Variants in ST6GALNAC3 observed in about 807,000 individuals in gnomAD.
ST6GALNAC3 encodes alpha-N-acetylgalactosaminide alpha-2,6-sialyltransferase 3.
In ST6GALNAC3, 25 loss-of-function variants were observed where a neutral mutation model predicts 32.7. The ratio of observed to expected loss-of-function variants is 0.76; its 90% confidence interval spans 0.56 to 1.07. ST6GALNAC3 has a LOEUF of 1.07. ST6GALNAC3 is among the 50% of genes least tolerant of loss of function. The pLI, the probability that ST6GALNAC3 is intolerant of heterozygous loss-of-function variation, is 0.00. For synonymous variants in ST6GALNAC3, 129 were observed against 133.1 expected (o/e 0.97, Z 0.21); for missense variants, 355 against 382.4 (o/e 0.93, Z 0.60).
chr1:76,543,301 T>G (rs1464775506), intron 3 of ST6GALNAC3, among the ~76,000 whole-genome samples: 3 of 152,150 alleles, frequency 2.0e-5, no homozygotes, highest in Admixed American at 6.6e-5. Context: ...TCTCAATAAA[T>G]TGTTCAATAT....
chr1:76,195,556 C>T (rs1298253607), intron 1 of ST6GALNAC3, among the ~76,000 whole-genome samples: 1 of 152,232 alleles, frequency 6.6e-6, no homozygotes, highest in Non-Finnish European at 1.5e-5. Context: ...GTGAAGAACA[C>T]ATGGCTACTA....
At chr1:76,484,458 C>T (rs1377801414) in intron 3 of ST6GALNAC3, among the ~76,000 whole-genome samples, 1 of 152,146 alleles carries the variant, frequency 6.6e-6, no homozygotes. Flanking sequence ...AGTTGGATTT[C>T]TAGGTATTTT....
At chr1:76,386,041 A>G (rs941986958) in intron 2 of ST6GALNAC3, among the ~76,000 whole-genome samples, 4 of 151,984 alleles carry the variant, frequency 2.6e-5, no homozygotes, top group African/African-American at 9.7e-5. Flanking sequence ...TAGGATCTTT[A>G]TTCATGTTCT....
Position 76,631,143 on chromosome 1 carries a change from A to G in ST6GALNAC3, c.*2337A>G, listed in dbSNP as rs1014682434. ...CTATAGCAGAAGGTGTGTGTGGAAT[A>G]TGTAGACTCCAGTGTTTTCTTAGGA... On this transcript the variant is annotated 3_prime_UTR_variant, in exon 5 of 5. Coordinates refer to ENST00000328299, the MANE Select transcript of ST6GALNAC3 (RefSeq NM_152996.4). The G allele has an allele frequency of 1.9e-6, 1 of 530,272 alleles. No individual in the cohort carries two copies. The highest frequency in any genetic ancestry group is 1.5e-4 in the East Asian group (1 of 6,694). 32.8% of individuals were successfully genotyped at this position (530,272 alleles called of 1,614,324 possible).
rs4034974 is a variant in ST6GALNAC3 at position 76,143,392 on chromosome 1, CGTGTGT to C, written c.18+68535_18+68540del. On this transcript the variant is annotated intron_variant, in intron 1 of 4. Coordinates refer to ENST00000328299, the MANE Select transcript of ST6GALNAC3 (RefSeq NM_152996.4). ...ACCCACTTTGGACTTCTTACCAAGT[CGTGTGT>C]GTGTGTGTGTGTGTGTGTGTGTGTG... Among the ~76,000 whole-genome samples, 1,293 of 142,440 alleles carry C rather than the reference CGTGTGT, an allele frequency of 9.1e-3. 17 individuals carry two copies. The highest frequency in any genetic ancestry group is 0.036 in the Middle Eastern group (10 of 280). 93.4% of individuals were successfully genotyped at this position (142,440 alleles called of 152,430 possible).
intron 3 of ST6GALNAC3, among the ~76,000 whole-genome samples, chr1:76,450,951 G>C (rs1657350437): frequency 6.6e-6 from 1 of 151,848 alleles, no homozygotes; most frequent in Non-Finnish European, 1.5e-5. Context: ...GGTGACTATG[G>C]CCTTATAGTA....
Position 76,496,719 on chromosome 1 carries a change from G to T in ST6GALNAC3, c.623+84302G>T, listed in dbSNP as rs1425254945. ...GGTATAATTAAATTGTGTCCCAGCA[G>T]TGAAGGTTCCTTAATGATAATGAGC... On this transcript the variant is annotated intron_variant, in intron 3 of 4. Coordinates refer to ENST00000328299, the MANE Select transcript of ST6GALNAC3 (RefSeq NM_152996.4). Among the ~76,000 whole-genome samples the T allele has an allele frequency of 2.6e-5, 4 of 152,172 alleles. 1 individual carries two copies. Among genetic ancestry groups the T allele is most frequent in the Admixed American group, 2.6e-4 (4 of 15,258 alleles).
chr1:76,357,383 G>A (rs754495265), intron 2 of ST6GALNAC3, among the ~76,000 whole-genome samples: 2 of 151,922 alleles, frequency 1.3e-5, no homozygotes, highest in Admixed American at 1.3e-4. Context: ...TGATCAACCC[G>A]CCTTGGCCTC....
chr1:76,099,824 T>G (rs1270875383), intron 1 of ST6GALNAC3, among the ~76,000 whole-genome samples: 1 of 152,168 alleles, frequency 6.6e-6, no homozygotes, highest in East Asian at 1.9e-4. Context: ...AAGACTCCAT[T>G]AACTCCATAG....
At chr1:76,335,205 G>T (rs1325706637) in intron 2 of ST6GALNAC3, among the ~76,000 whole-genome samples, 1 of 152,096 alleles carries the variant, frequency 6.6e-6, no homozygotes, top group Admixed American at 6.5e-5. Context: ...CACAAATAGG[G>T]CAGGCTTGCT....
chr1:76,570,749 A>C (rs1426303926), intron 3 of ST6GALNAC3, among the ~76,000 whole-genome samples: 1 of 152,042 alleles, frequency 6.6e-6, no homozygotes, highest in Non-Finnish European at 1.5e-5. Flanking sequence ...CGTGGGGGAC[A>C]CCACTCTGGT....
chr1:76,628,556 T>A, intron 4 of ST6GALNAC3, 64 bp from the exon 5 acceptor site: 2 of 1,431,550 alleles, frequency 1.4e-6, no homozygotes, highest in Non-Finnish European at 1.9e-6. Context: ...AATGGATTCT[T>A]GTAAATGAGT....
chr1:76,130,959 T>A (rs562120515), intron 1 of ST6GALNAC3, among the ~76,000 whole-genome samples: 1 of 152,336 alleles, frequency 6.6e-6, no homozygotes, highest in Admixed American at 6.5e-5. Flanking sequence ...GTTGAATAGT[T>A]TTCACTGCTC....
intron 3 of ST6GALNAC3, among the ~76,000 whole-genome samples, chr1:76,597,506 C>T (rs1647156452): frequency 6.6e-6 from 1 of 152,050 alleles, no homozygotes; most frequent in Non-Finnish European, 1.5e-5. Context: ...CAAACCCTGT[C>T]CAGAATTTTG....
At chr1:76,594,870 T>C (rs1647108471) in intron 3 of ST6GALNAC3, among the ~76,000 whole-genome samples, 1 of 152,098 alleles carries the variant, frequency 6.6e-6, no homozygotes, top group Non-Finnish European at 1.5e-5. Flanking sequence ...TCCAAGGAGG[T>C]AATTGATCAT....
chr1:76,201,874 T>G (rs1654539176), intron 1 of ST6GALNAC3, among the ~76,000 whole-genome samples: 1 of 152,140 alleles, frequency 6.6e-6, no homozygotes, highest in African/African-American at 2.4e-5. Flanking sequence ...ACTTCAAGTT[T>G]ATAATTACTA....
At chr1:76,435,734 A>C (rs1411162888) in intron 3 of ST6GALNAC3, among the ~76,000 whole-genome samples, 1 of 152,176 alleles carries the variant, frequency 6.6e-6, no homozygotes, top group Admixed American at 6.5e-5. Flanking sequence ...CTTCAAAATA[A>C]TAATAAATTT....
At chr1:76,296,916 G>C (rs1427754988) in intron 1 of ST6GALNAC3, among the ~76,000 whole-genome samples, 1 of 151,870 alleles carries the variant, frequency 6.6e-6, no homozygotes, top group East Asian at 1.9e-4. Flanking sequence ...GTGTTGATTG[G>C]TGAAAAACAT....
chr1:76,400,407 A>G (rs1653312747), intron 2 of ST6GALNAC3, among the ~76,000 whole-genome samples: 1 of 152,212 alleles, frequency 6.6e-6, no homozygotes, highest in Admixed American at 6.5e-5. Flanking sequence ...TAAGTTTCTG[A>G]ACACCATTTT....
Sources: gnomAD v4.1 joint callset for allele counts (sites outside exome capture counted in the v4.1 genomes callset) on GRCh38, gnomAD v4.1.1 for gene constraint, MANE v1.5 for transcripts, NCBI Gene and HGNC (gene_info 2026-07-23, HGNC 2026-07-21) for gene names.